The following PHACTR2 variants were observed in gnomAD, a reference collection of about 807,000 sequenced individuals.
PHACTR2 encodes the protein phosphatase and actin regulator 2, also known as chromosome 6 open reading frame 56.
In PHACTR2, 30 loss-of-function variants were observed where a neutral mutation model predicts 76.0. The ratio of observed to expected loss-of-function variants is 0.39; its 90% CI spans 0.30 to 0.54. The LOEUF (loss-of-function observed/expected upper bound fraction) is 0.54. Ranked by LOEUF, PHACTR2 falls within the 20% of genes least tolerant of loss-of-function variation. PHACTR2 has a pLI of 0.61. For missense variants in PHACTR2, 696 were observed against 781.1 expected, an observed-to-expected ratio of 0.89 and a Z score of 1.30; for synonymous variants, 292 against 292.5, an observed-to-expected ratio of 1.00 and a Z score of 0.02.
chr6:143,564,781 T>C (rs1402468663), intron 1 of PHACTR2, among the ~76,000 whole-genome samples: 3 of 152,094 alleles, frequency 2.0e-5, no homozygotes, highest in Non-Finnish European at 4.4e-5. Context: ...AATGGCAAAG[T>C]CACAAACAGT....
rs1776245008 is a variant in PHACTR2, at chr6:143,625,632, T to C, written c.13+17310T>C. On this transcript the variant is annotated intron_variant, in intron 1 of 11. Coordinates refer to the PHACTR2 transcript ENST00000305766. The surrounding 1 kb of genome is among the most constrained non-coding windows in gnomAD (Gnocchi z 4.3). ...TTTGCTAAAAATAACTGATGAAGCT[T>C]ATTAGTTCTTATTTTCTTTGTTTAT... 6.6e-6 allele frequency among the ~76,000 whole-genome samples: 1 copy of C among 152,202 alleles called. No individual in the cohort carries two copies. The highest frequency in any genetic ancestry group is 2.1e-4 in the South Asian group (1 of 4,828).
At chr6:143,756,698 CAAAAAAA>C (rs10538549) in intron 4 of PHACTR2, among the ~76,000 whole-genome samples, 1 of 122,752 alleles carries the variant, frequency 8.1e-6, no homozygotes, top group African/African-American at 3.0e-5. Context: ...GACTCCGTCT[CAAAAAAA>C]AAAAAAAAAA....
At chr6:143,584,494 T>A (rs1775604727) in intron 1 of PHACTR2, among the ~76,000 whole-genome samples, 1 of 152,170 alleles carries the variant, frequency 6.6e-6, no homozygotes, top group Admixed American at 6.5e-5. Context: ...CCTATAGTCA[T>A]GACATCAGAA....
intron 6 of PHACTR2, among the ~76,000 whole-genome samples, chr6:143,768,216 AT>A (rs1348438810): frequency 2.0e-5 from 3 of 152,150 alleles, no homozygotes; most frequent in Non-Finnish European, 2.9e-5. Context: ...CACACAGCAA[AT>A]GTCTTCATTT....
chr6:143,651,317 C>T (rs566152159), intron 1 of PHACTR2, among the ~76,000 whole-genome samples: 28 of 152,026 alleles, frequency 1.8e-4, no homozygotes, highest in African/African-American at 6.0e-4. Context: ...AAATACCATT[C>T]GACCCAACAA....
intron 1 of PHACTR2, among the ~76,000 whole-genome samples, chr6:143,622,261 G>A (rs1175285876): frequency 2.0e-5 from 3 of 152,078 alleles, no homozygotes; most frequent in African/African-American, 4.8e-5. Flanking sequence ...AGCCCAAAAC[G>A]TCACACAAGG....
At chr6:143,768,525 A>T (rs1166230134) in intron 6 of PHACTR2, among the ~76,000 whole-genome samples, 8 of 152,206 alleles carry the variant, frequency 5.3e-5, no homozygotes, top group Admixed American at 2.0e-4. Flanking sequence ...GTGTTTCCTG[A>T]TATAGTCTTA....
intron 2 of PHACTR2, among the ~76,000 whole-genome samples, chr6:143,720,844 C>T (rs748075763): frequency 7.9e-5 from 12 of 152,160 alleles, no homozygotes; most frequent in Non-Finnish European, 1.6e-4. Flanking sequence ...AACTCCTGAT[C>T]TCAGGTGATT....
At chr6:143,631,476 G>C (rs534778173) in intron 1 of PHACTR2, among the ~76,000 whole-genome samples, 1 of 152,246 alleles carries the variant, frequency 6.6e-6, no homozygotes, top group East Asian at 1.9e-4. Flanking sequence ...TTAGACGCCT[G>C]AGCCACTGAG....
In PHACTR2 at chr6:143,689,879, G is replaced by A. The variant is rs1373306878; in HGVS notation, c.46+11670G>A. Reference sequence around the variant, plus strand: ...GGCTAATTTTTGTATTTTTAGTAGCGACAGGGTTTCGCCAGGCTGGTCTTG... The same window carrying A: ...GGCTAATTTTTGTATTTTTAGTAGCAACAGGGTTTCGCCAGGCTGGTCTTG... On this transcript the variant is annotated intron_variant, in intron 1 of 12. Transcript: ENST00000440869. The surrounding 1 kb of genome is among the most constrained non-coding windows in gnomAD (Gnocchi z 4.4). Among the ~76,000 whole-genome samples the A allele has an allele frequency of 1.6e-4, 25 of 151,944 alleles. No homozygotes were observed. Among genetic ancestry groups the A allele is most frequent in the Non-Finnish European group, 3.7e-4 (25 of 67,972 alleles).
chr6:143,704,477 G>GA (rs780324145), intron 1 of PHACTR2, among the ~76,000 whole-genome samples: 28 of 151,838 alleles, frequency 1.8e-4, no homozygotes, highest in Non-Finnish European at 3.7e-4. Context: ...TCACTCCTAA[G>GA]AAAAAAATCT....
At position 143,697,746 on chromosome 6, in the gene PHACTR2, C is replaced by A. The variant is rs1328734709; in HGVS notation, c.47-14270C>A. 6.6e-6 allele frequency among the ~76,000 whole-genome samples: 1 copy of A among 152,192 alleles called. No homozygotes were observed. The highest frequency in any genetic ancestry group is 2.4e-5 in the African/African-American group (1 of 41,442). Reference sequence around the variant, plus strand: ...AATCTAAAGACCTGCTAAAATAAATCATAGCCTAGGCCTTGTAAATTATTG... The same window carrying A: ...AATCTAAAGACCTGCTAAAATAAATAATAGCCTAGGCCTTGTAAATTATTG... On this transcript the variant is annotated intron_variant, in intron 1 of 12. Coordinates refer to ENST00000440869, the MANE Select transcript of PHACTR2 (RefSeq NM_001100164.2). This position sits in a 1 kb window ranked among gnomAD's most constrained non-coding sequence, Gnocchi z 4.4.
Position 143,772,375 on chromosome 6 carries a change from A to G in PHACTR2, c.1350A>G (p.Gln450=), listed in dbSNP as rs377420820. ...AAGATGAAGGCCACAGGGAATACCA[A>G]GCCAATGACTCTGACTCGGACGGGC... ...ASEDEGHREY[Q]ANDSDSDGPI... The change falls in exon 7 of 13, where the codon CAA becomes CAG. Residue 450 remains glutamine, a synonymous_variant. Coordinates refer to ENST00000440869, the MANE Select transcript of PHACTR2 (RefSeq NM_001100164.2). The surrounding 1 kb of genome is among the most constrained non-coding windows in gnomAD (Gnocchi z 5.4). The G allele has an allele frequency of 5.0e-6, 8 of 1,614,034 alleles. No homozygotes were observed. In the African/African-American group the frequency reaches 8.0e-5, roughly 16 times the overall value.
intron 2 of PHACTR2, among the ~76,000 whole-genome samples, chr6:143,744,972 C>G (rs955474764): frequency 6.6e-6 from 1 of 152,142 alleles, no homozygotes; most frequent in Non-Finnish European, 1.5e-5. Context: ...TTATGCTTTT[C>G]CAGTTGGGAT....
At chr6:143,796,182 A>G (rs1775816396) in intron 11 of PHACTR2, among the ~76,000 whole-genome samples, 2 of 152,170 alleles carry the variant, frequency 1.3e-5, no homozygotes, top group South Asian at 4.1e-4. Context: ...CTGTTCATTG[A>G]TGCCTTAGCA....
chr6:143,757,884 G>A lies in PHACTR2; in HGVS notation c.455-2517G>A, dbSNP rs1221176724. On this transcript the variant is annotated intron_variant, in intron 4 of 12. Coordinates refer to ENST00000440869, the MANE Select transcript of PHACTR2 (RefSeq NM_001100164.2). The surrounding 1 kb of genome is among the most constrained non-coding windows in gnomAD (Gnocchi z 4.2). ...ATGGAATTTTAAATTTCAGACAAAA[G>A]GAGTTTATAATTCAGTCAAAAAATT... 6.6e-6 allele frequency among the ~76,000 whole-genome samples: 1 copy of A among 151,948 alleles called. No homozygotes were observed. The highest frequency in any genetic ancestry group is 1.5e-5 in the Non-Finnish European group (1 of 67,994).
chr6:143,591,824 T>C lies in PHACTR2; in HGVS notation c.217+54617T>C, dbSNP rs954237348. ...CCTGGAACCCAGACATCCTTTCCTA[T>C]GCCATGTTTTGGTTACTTTGGGCCC... is the stretch of plus-strand genomic sequence containing the variant. On this transcript the variant is annotated intron_variant, in intron 1 of 11. Coordinates refer to the PHACTR2 transcript ENST00000367584. This position sits in a 1 kb window ranked among gnomAD's most constrained non-coding sequence, Gnocchi z 6.4. Among the ~76,000 whole-genome samples the C allele has an allele frequency of 2.0e-5, 3 of 152,210 alleles. No homozygotes were observed. The South Asian group carries it at 6.2e-4, about 32-fold the overall frequency.
Position 143,795,659 on chromosome 6 carries a change from G to A in PHACTR2, c.1845+6749G>A, listed in dbSNP as rs985014565. ...GAACTTGGAAGCTCCATGGAGGAGAGAGGGGCAGGCTTTAGAACTGGGCAC... is the reference window on the plus strand; with the variant it reads ...GAACTTGGAAGCTCCATGGAGGAGAAAGGGGCAGGCTTTAGAACTGGGCAC... On this transcript the variant is annotated intron_variant, in intron 11 of 12. Coordinates refer to ENST00000440869, the MANE Select transcript of PHACTR2 (RefSeq NM_001100164.2). The surrounding 1 kb of genome is among the most constrained non-coding windows in gnomAD (Gnocchi z 4.8). Among the ~76,000 whole-genome samples, 1 of 152,190 alleles carries A rather than the reference G, an allele frequency of 6.6e-6. No homozygotes were observed. Among genetic ancestry groups the A allele is most frequent in the African/African-American group, 2.4e-5 (1 of 41,450 alleles).
Position 143,541,387 on chromosome 6 carries a change from TG to T in PHACTR2, c.217+4182del, listed in dbSNP as rs2128426324. Among the ~76,000 whole-genome samples the T allele has an allele frequency of 6.6e-6, 1 of 152,346 alleles. No individual in the cohort carries two copies. Among genetic ancestry groups the T allele is most frequent in the Non-Finnish European group, 1.5e-5 (1 of 68,032 alleles). On this transcript the variant is annotated intron_variant, in intron 1 of 11. Transcript: ENST00000367584. This position sits in a 1 kb window ranked among gnomAD's most constrained non-coding sequence, Gnocchi z 5.3. ...GCCTACTGGGTGCCAGGTGCTGTTC[TG>T]GACCTGTGTGGGCTATAGGGAGGAC... is the stretch of plus-strand genomic sequence containing the variant.
Sources: allele counts gnomAD v4.1 joint callset (sites outside exome capture counted in the v4.1 genomes callset), GRCh38; gene constraint gnomAD v4.1.1; non-coding constraint Gnocchi (gnomAD v3.1); transcripts MANE v1.5; gene names NCBI Gene and HGNC (gene_info 2026-07-23, HGNC 2026-07-21).